Variants in CNTNAP5 observed in about 807,000 individuals in gnomAD.
The protein encoded by CNTNAP5 is contactin associated protein family member 5.
In CNTNAP5, 72 loss-of-function variants were observed where a neutral mutation model predicts 150.2. The observed-to-expected ratio is 0.48, with a 90% CI of 0.40 to 0.58. The LOEUF (loss-of-function observed/expected upper bound fraction) is 0.58, where lower values mean the gene tolerates loss of function less well. Ranked by LOEUF, CNTNAP5 falls within the 20% of genes least tolerant of loss-of-function variation. CNTNAP5 has a pLI of 0.00. For missense variants in CNTNAP5, 1,636 were observed against 1,626.2 expected, an observed-to-expected ratio of 1.01 and a Z score of -0.10; for synonymous variants, 672 against 619.8, an observed-to-expected ratio of 1.08 and a Z score of -1.25.
At chr2:124,897,954 T>C (rs1255646436) in intron 21 of CNTNAP5, among the ~76,000 whole-genome samples, 3 of 150,406 alleles carry the variant, frequency 2.0e-5, no homozygotes, top group East Asian at 3.9e-4. Flanking sequence ...TGTGTGTGTG[T>C]GTGTGTGTGT....
intron 13 of CNTNAP5, among the ~76,000 whole-genome samples, chr2:124,745,581 G>A (rs1212115297): frequency 2.0e-5 from 3 of 152,136 alleles, no homozygotes; most frequent in African/African-American, 7.2e-5. Flanking sequence ...CAATTCATGT[G>A]TAGTATTTTA....
chr2:124,884,201 T>C (rs1678032530), intron 21 of CNTNAP5, among the ~76,000 whole-genome samples: 2 of 152,052 alleles, frequency 1.3e-5, no homozygotes, highest in Admixed American at 6.6e-5. Context: ...CCTGTACACA[T>C]GTATGTCAGT....
intron 8 of CNTNAP5, among the ~76,000 whole-genome samples, chr2:124,519,230 G>A (rs1035357116): frequency 1.3e-5 from 2 of 152,028 alleles, no homozygotes; most frequent in Non-Finnish European, 2.9e-5. Context: ...AGGTTACAGA[G>A]TATATTTAGG....
chr2:124,371,589 T>C (rs1433803610), intron 3 of CNTNAP5, among the ~76,000 whole-genome samples: 5 of 152,066 alleles, frequency 3.3e-5, no homozygotes, highest in Non-Finnish European at 7.4e-5. Context: ...TCCAAACAGA[T>C]CTAATACATG....
At chr2:124,587,180 T>C (rs1450312081) in intron 11 of CNTNAP5, among the ~76,000 whole-genome samples, 1 of 152,216 alleles carries the variant, frequency 6.6e-6, no homozygotes, top group Non-Finnish European at 1.5e-5. Flanking sequence ...GTAGCTACTA[T>C]GATTTTGTCT....
chr2:124,085,223 T>G (rs1033951345), intron 1 of CNTNAP5, among the ~76,000 whole-genome samples: 1 of 152,122 alleles, frequency 6.6e-6, no homozygotes, highest in Non-Finnish European at 1.5e-5. Context: ...TCTGGCCGAA[T>G]TCAAGTTTCT....
intron 2 of CNTNAP5, among the ~76,000 whole-genome samples, chr2:124,239,702 T>A (rs1204001042): frequency 6.6e-6 from 1 of 151,998 alleles, no homozygotes; most frequent in African/African-American, 2.4e-5. Flanking sequence ...ACATTTTTTT[T>A]TTTTACTGAG....
chr2:124,272,996 A>G (rs995252284), intron 3 of CNTNAP5, among the ~76,000 whole-genome samples: 1 of 152,190 alleles, frequency 6.6e-6, no homozygotes, highest in Non-Finnish European at 1.5e-5. Context: ...TCCAAAGGAT[A>G]GTGCTAAAAT....
intron 3 of CNTNAP5, among the ~76,000 whole-genome samples, chr2:124,388,329 A>T (rs906490702): frequency 6.6e-6 from 1 of 151,664 alleles, no homozygotes; most frequent in Non-Finnish European, 1.5e-5. Flanking sequence ...CAGTCATTGA[A>T]GCTACCACCA....
chr2:124,905,465 C>A (rs1678516702), intron 22 of CNTNAP5, among the ~76,000 whole-genome samples: 1 of 151,956 alleles, frequency 6.6e-6, no homozygotes, highest in African/African-American at 2.4e-5. Context: ...AGAAAAAACC[C>A]ACAGCACCAT....
chr2:124,354,317 A>G (rs900844361), intron 3 of CNTNAP5, among the ~76,000 whole-genome samples: 3 of 152,334 alleles, frequency 2.0e-5, no homozygotes, highest in Middle Eastern at 3.4e-3. Flanking sequence ...AACTAGAGAG[A>G]CAGTGATTTG....
At chr2:124,163,853 A>T (rs1014999136) in intron 1 of CNTNAP5, among the ~76,000 whole-genome samples, 1 of 80,396 alleles carries the variant, frequency 1.2e-5, no homozygotes, top group Non-Finnish European at 2.5e-5. Flanking sequence ...TTGCTTCTGC[A>T]TGCCTCTAAG....
intron 3 of CNTNAP5, among the ~76,000 whole-genome samples, chr2:124,278,845 T>G (rs1687948574): frequency 6.6e-6 from 1 of 152,220 alleles, no homozygotes; most frequent in Non-Finnish European, 1.5e-5. Flanking sequence ...ATTTGTGTCC[T>G]AAGTTCAGTA....
intron 19 of CNTNAP5, among the ~76,000 whole-genome samples, chr2:124,839,149 C>T (rs1682890773): frequency 6.6e-6 from 1 of 152,014 alleles, no homozygotes; most frequent in Non-Finnish European, 1.5e-5. Context: ...ATGGGTGGTG[C>T]TCCTTCCAGT....
chr2:124,786,400 A>G (rs1681584147), intron 17 of CNTNAP5, among the ~76,000 whole-genome samples: 1 of 76,858 alleles, frequency 1.3e-5, no homozygotes, highest in Non-Finnish European at 2.6e-5. Flanking sequence ...AGAAAGAAAG[A>G]AGGAAGGAAG....
rs1280872087 is a variant in CNTNAP5, at chr2:124,075,332, T to C, written c.82+49600T>C. Reference sequence around the variant, plus strand: ...GAGATCCACTTCTAACATTTTATCCTCTGCACTTTCGATGCCATGAAAGAT... The same window carrying C: ...GAGATCCACTTCTAACATTTTATCCCCTGCACTTTCGATGCCATGAAAGAT... On this transcript the variant is annotated intron_variant, in intron 1 of 23. Transcript: ENST00000682447. 2.6e-5 allele frequency among the ~76,000 whole-genome samples: 4 copies of C among 152,166 alleles called. 1 individual carries two copies. The highest frequency in any genetic ancestry group is 9.6e-5 in the African/African-American group (4 of 41,454).
chr2:124,734,957 A>G (rs1161269733), intron 13 of CNTNAP5, among the ~76,000 whole-genome samples: 3 of 152,138 alleles, frequency 2.0e-5, no homozygotes, highest in Non-Finnish European at 4.4e-5. Flanking sequence ...GTGTCACCTG[A>G]TAAGTGTGAA....
intron 3 of CNTNAP5, among the ~76,000 whole-genome samples, chr2:124,276,461 C>T (rs996785487): frequency 6.6e-6 from 1 of 152,062 alleles, no homozygotes; most frequent in African/African-American, 2.4e-5. Context: ...CAACTATGTC[C>T]CTTGATTTAT....
intron 19 of CNTNAP5, among the ~76,000 whole-genome samples, chr2:124,811,990 T>A (rs1420956304): frequency 2.3e-5 from 1 of 44,022 alleles, no homozygotes; most frequent in African/African-American, 6.7e-5. Context: ...AAAATTTATA[T>A]TTATATATTA....
Sources: gnomAD v4.1 joint callset for allele counts (sites outside exome capture counted in the v4.1 genomes callset) on GRCh38, gnomAD v4.1.1 for gene constraint, MANE v1.5 for transcripts, NCBI Gene and HGNC (gene_info 2026-07-23, HGNC 2026-07-21) for gene names.